Variants in RALGPS2 observed in about 807,000 individuals in gnomAD.
RALGPS2 encodes Ral GEF with PH domain and SH3 binding motif 2, also known as ras-specific guanine nucleotide-releasing factor RalGPS2.
A neutral mutation model predicts 86.8 loss-of-function variants in RALGPS2; 43 were observed. The observed-to-expected ratio is 0.50, with a 90% CI of 0.39 to 0.64. The LOEUF (loss-of-function observed/expected upper bound fraction) is 0.64. RALGPS2 is among the 30% of genes least tolerant of loss of function. The probability of loss-of-function intolerance (pLI) is 0.00; values close to 1 mark genes in which losing one functional copy is unlikely to be tolerated. For missense variants in RALGPS2, 536 were observed against 694.6 expected (o/e 0.77, Z 2.57); for synonymous variants, 243 against 231.3 (o/e 1.05, Z -0.46).
At chr1:178,756,937 A>G (rs999470334) in intron 1 of RALGPS2, among the ~76,000 whole-genome samples, 1 of 151,984 alleles carries the variant, frequency 6.6e-6, no homozygotes, top group Non-Finnish European at 1.5e-5. Flanking sequence ...TGGAATGCTT[A>G]CCCATTTGTT....
chr1:178,760,562 G>A (rs759301764), intron 1 of RALGPS2, among the ~76,000 whole-genome samples: 1 of 152,052 alleles, frequency 6.6e-6, no homozygotes, highest in Non-Finnish European at 1.5e-5. Flanking sequence ...GAGCCTATGG[G>A]TGTCATTAGA....
At chr1:178,820,990 C>A (rs1655474909) in intron 6 of RALGPS2, among the ~76,000 whole-genome samples, 2 of 152,066 alleles carry the variant, frequency 1.3e-5, no homozygotes, top group Non-Finnish European at 2.9e-5. Context: ...GGGAAATTAG[C>A]AATAAATGTT....
chr1:178,755,544 AT>A (rs1294471086), intron 1 of RALGPS2, among the ~76,000 whole-genome samples: 6 of 152,194 alleles, frequency 3.9e-5, no homozygotes, highest in Non-Finnish European at 8.8e-5. Context: ...GCTGCGTAAT[AT>A]TCCATGGTGT....
At chr1:178,744,833 AAAAAG>A (rs1558098752) in intron 1 of RALGPS2, among the ~76,000 whole-genome samples, 1 of 151,648 alleles carries the variant, frequency 6.6e-6, no homozygotes, top group African/African-American at 2.4e-5. Context: ...AAAAAAAAAA[AAAAAG>A]AAAGGAAAAG....
chr1:178,916,289 A>C (rs1660812055), intron 19 of RALGPS2, 41 bp from the exon 20 acceptor site: 1 of 1,519,496 alleles, frequency 6.6e-7, no homozygotes. Context: ...TCCTTTGAAA[A>C]ACAACTTTTA....
chr1:178,835,200 T>G (rs1656214729), intron 8 of RALGPS2, among the ~76,000 whole-genome samples: 1 of 152,142 alleles, frequency 6.6e-6, no homozygotes, highest in Non-Finnish European at 1.5e-5. Context: ...TGTGTACTTT[T>G]TATAGTATGA....
At chr1:178,906,967 G>T (rs973638247) in intron 19 of RALGPS2, 100 bp downstream of exon 19, 2 of 1,009,896 alleles carry the variant, frequency 2.0e-6, no homozygotes, top group African/African-American at 3.3e-5. Context: ...TTAACTAGGA[G>T]AATGGTGGTG....
intron 17 of RALGPS2, among the ~76,000 whole-genome samples, chr1:178,898,555 C>T (rs970877641): frequency 1.3e-5 from 2 of 152,008 alleles, no homozygotes; most frequent in South Asian, 2.1e-4. Context: ...TGGGAAGTAC[C>T]GTAAGATAGC....
chr1:178,803,184 A>G (rs1349017023), intron 4 of RALGPS2, among the ~76,000 whole-genome samples: 1 of 152,186 alleles, frequency 6.6e-6, no homozygotes, highest in East Asian at 1.9e-4. Flanking sequence ...TTGTAGGACT[A>G]TATTTTTAAG....
rs528142315 is a variant in RALGPS2 at position 178,844,292 on chromosome 1, GA to G, written c.607+10743del. Among the ~76,000 whole-genome samples, 29 of 152,252 alleles carry G rather than the reference GA, an allele frequency of 1.9e-4. No homozygotes were observed. In the East Asian group the frequency reaches 2.1e-3, roughly 11 times the overall value. The stretch of plus-strand genomic sequence containing the variant: ...GTAACCGCTAATGATTTCTTAACAT[GA>G]GGTATATGGTCCAAACTAATAGTTT... On this transcript the variant is annotated intron_variant, in intron 8 of 19. Transcript: ENST00000367635.
At chr1:178,771,036 A>G (rs200168138) in intron 1 of RALGPS2, among the ~76,000 whole-genome samples, 1 of 149,760 alleles carries the variant, frequency 6.7e-6, no homozygotes, top group Non-Finnish European at 1.5e-5. Flanking sequence ...ACGGGGTTTC[A>G]CCATGTTGGC....
chr1:178,737,201 A>G (rs1650757532), intron 1 of RALGPS2, among the ~76,000 whole-genome samples: 1 of 152,190 alleles, frequency 6.6e-6, no homozygotes, highest in South Asian at 2.1e-4. Flanking sequence ...AAAGGTAAGA[A>G]AATGCACATC....
At chr1:178,877,354 C>A in intron 8 of RALGPS2, 144 bp from the exon 9 acceptor site, 1 of 1,269,692 alleles carries the variant, frequency 7.9e-7, no homozygotes, top group Non-Finnish European at 1.0e-6. Flanking sequence ...ATATGTTACC[C>A]AGGCTTCAGT....
At chr1:178,901,894 C>T (rs1424614343) in intron 17 of RALGPS2, among the ~76,000 whole-genome samples, 1 of 151,910 alleles carries the variant, frequency 6.6e-6, no homozygotes, top group Non-Finnish European at 1.5e-5. Context: ...AGAGTTGAAG[C>T]TGGGAAGGTC....
intron 1 of RALGPS2, chr1:178,747,220 A>C: frequency 7.3e-7 from 1 of 1,374,394 alleles, no homozygotes; most frequent in East Asian, 2.3e-5. Context: ...CCACAGGTCC[A>C]TGGTCAGGGT....
At chr1:178,883,346 A>G (rs1047601816) in intron 10 of RALGPS2, 120 bp from the exon 11 acceptor site, 61 of 738,238 alleles carry the variant, frequency 8.3e-5, no homozygotes, top group Non-Finnish European at 1.3e-4. Flanking sequence ...AGAAAAGTAT[A>G]TAGGTCAGAT....
chr1:178,769,706 C>G (rs1652689404), intron 1 of RALGPS2, among the ~76,000 whole-genome samples: 1 of 152,292 alleles, frequency 6.6e-6, no homozygotes, highest in African/African-American at 2.4e-5. Flanking sequence ...CTGCACGTCT[C>G]ATTGTCCGGG....
intron 1 of RALGPS2, among the ~76,000 whole-genome samples, chr1:178,771,574 ATTTT>A (rs113807229): frequency 6.6e-6 from 1 of 151,180 alleles, no homozygotes; most frequent in South Asian, 2.1e-4. Context: ...ATAGTTACTT[ATTTT>A]TTTTTCTTGT....
At chr1:178,851,872 G>A (rs955857101) in intron 8 of RALGPS2, among the ~76,000 whole-genome samples, 1 of 152,102 alleles carries the variant, frequency 6.6e-6, no homozygotes, top group Non-Finnish European at 1.5e-5. Flanking sequence ...GGACAGGGAT[G>A]GGGGAGAATT....
Sources: gnomAD v4.1 joint callset for allele counts (sites outside exome capture counted in the v4.1 genomes callset) on GRCh38, gnomAD v4.1.1 for gene constraint, MANE v1.5 for transcripts, NCBI Gene and HGNC (gene_info 2026-07-23, HGNC 2026-07-21) for gene names.